The following MTMR12 variants were observed in gnomAD, a reference collection of about 807,000 sequenced individuals.
The protein encoded by MTMR12 is myotubularin related protein 12.
In MTMR12, 33 loss-of-function variants were observed where a neutral mutation model predicts 96.7. The ratio of observed to expected loss-of-function variants is 0.34; its 90% confidence interval spans 0.26 to 0.46. The LOEUF (loss-of-function observed/expected upper bound fraction) is 0.46. Among genes scored for constraint, MTMR12 ranks in the 20% least tolerant of loss-of-function variants. The probability of loss-of-function intolerance (pLI) is 1.00; values close to 1 mark genes in which losing one functional copy is unlikely to be tolerated. For synonymous variants in MTMR12, 298 were observed against 327.2 expected (o/e 0.91, Z 0.96); for missense variants, 721 against 896.1 (o/e 0.80, Z 2.49).
intron 7 of MTMR12, among the ~76,000 whole-genome samples, chr5:32,258,923 AAGTC>A (rs964985047): frequency 2.7e-5 from 4 of 150,686 alleles, no homozygotes; most frequent in African/African-American, 9.8e-5. Flanking sequence ...AAAAAAAAAA[AAGTC>A]AGAACCAAAT....
chr5:32,272,118 C>T (rs1004750463), intron 3 of MTMR12, among the ~76,000 whole-genome samples: 1 of 151,860 alleles, frequency 6.6e-6, no homozygotes, highest in African/African-American at 2.4e-5. Flanking sequence ...GGTGAAACCC[C>T]ATCTCTACTA....
intron 1 of MTMR12, among the ~76,000 whole-genome samples, chr5:32,287,320 A>G (rs1007304749): frequency 1.3e-5 from 2 of 152,204 alleles, no homozygotes; most frequent in African/African-American, 2.4e-5. Context: ...CTACCAGTGA[A>G]TATAAGGCAG....
chr5:32,241,957 C>T lies in MTMR12; in HGVS notation c.1171+100G>A, dbSNP rs567695881. On this transcript the variant is annotated intron_variant, in intron 12 of 15. Coordinates refer to ENST00000382142, the MANE Select transcript of MTMR12 (RefSeq NM_001040446.3). Reference sequence around the variant, plus strand: ...GGAATAGGAAGGATTTCTACACTAACTCACTCCTTTTGTTTCCAAATACAT... The same window carrying T: ...GGAATAGGAAGGATTTCTACACTAATTCACTCCTTTTGTTTCCAAATACAT... 175 of 949,534 alleles carry T rather than the reference C, an allele frequency of 1.8e-4. 1 individual carries two copies. Among genetic ancestry groups the T allele is most frequent in the Middle Eastern group, 1.3e-3 (4 of 3,134 alleles). The allele number at this position is 949,534 out of a possible 1,614,324, so 58.8% of individuals were successfully genotyped here. A position where few individuals can be genotyped will look rare whatever the true frequency, so the allele number is the denominator to read the frequency against.
intron 10 of MTMR12, chr5:32,247,627 T>G: frequency 6.2e-6 from 4 of 648,892 alleles, no homozygotes; most frequent in Non-Finnish European, 7.6e-6. Context: ...GGAAAAAGTC[T>G]ACAGAGGAAA....
chr5:32,265,910 C>T (rs754509922), intron 6 of MTMR12, among the ~76,000 whole-genome samples: 1 of 152,206 alleles, frequency 6.6e-6, no homozygotes, highest in South Asian at 2.1e-4. Context: ...CAGGATCACA[C>T]AGCTGGAAAA....
intron 1 of MTMR12, among the ~76,000 whole-genome samples, chr5:32,298,450 C>G (rs1040979489): frequency 6.6e-6 from 1 of 152,124 alleles, no homozygotes; most frequent in Non-Finnish European, 1.5e-5. Flanking sequence ...TGCCCAAACC[C>G]CAAGTCCTCC....
intron 1 of MTMR12, among the ~76,000 whole-genome samples, chr5:32,297,089 C>T (rs1201639242): frequency 1.4e-4 from 20 of 145,696 alleles, no homozygotes; most frequent in African/African-American, 5.1e-4. Flanking sequence ...GGTGACAGAG[C>T]GAGACTCCGT....
At chr5:32,282,637 C>G (rs971002931) in intron 1 of MTMR12, among the ~76,000 whole-genome samples, 1 of 151,918 alleles carries the variant, frequency 6.6e-6, no homozygotes, top group African/African-American at 2.4e-5. Flanking sequence ...CCAAACCAGT[C>G]CCAAGAAGAG....
intron 2 of MTMR12, among the ~76,000 whole-genome samples, chr5:32,275,986 G>T (rs886306464): frequency 1.5e-4 from 23 of 152,152 alleles, no homozygotes; most frequent in Admixed American, 8.5e-4. Context: ...GTACCTTAAA[G>T]AACTTATTTT....
At chr5:32,250,123 C>T (rs924905146) in intron 8 of MTMR12, among the ~76,000 whole-genome samples, 15 of 152,140 alleles carry the variant, frequency 9.9e-5, no homozygotes, top group African/African-American at 3.6e-4. Context: ...TGATATTGTG[C>T]ACTACACTTA....
chr5:32,283,391 T>G (rs1750387471), intron 1 of MTMR12, among the ~76,000 whole-genome samples: 1 of 149,132 alleles, frequency 6.7e-6, no homozygotes. Context: ...GGGCTCTAAG[T>G]GCCAGCTACT....
chr5:32,297,118 A>T (rs1021296813), intron 1 of MTMR12, among the ~76,000 whole-genome samples: 1 of 151,272 alleles, frequency 6.6e-6, no homozygotes, highest in Admixed American at 6.6e-5. Context: ...AAAAAAAAAA[A>T]GATATAATTT....
intron 1 of MTMR12, among the ~76,000 whole-genome samples, chr5:32,282,846 C>T (rs1256844575): frequency 6.6e-6 from 1 of 152,166 alleles, no homozygotes; most frequent in Non-Finnish European, 1.5e-5. Context: ...ATTTCACAAT[C>T]GCTTTTTGAA....
At chr5:32,240,736 G>A (rs1748436417) in intron 12 of MTMR12, among the ~76,000 whole-genome samples, 1 of 152,068 alleles carries the variant, frequency 6.6e-6, no homozygotes, top group Non-Finnish European at 1.5e-5. Flanking sequence ...GAGTAGCCAG[G>A]ACTACAGGCA....
chr5:32,263,366 G>A, intron 6 of MTMR12, 124 bp from the exon 7 acceptor site: 1 of 1,117,816 alleles, frequency 8.9e-7, no homozygotes, highest in South Asian at 1.6e-5. Context: ...CAAGCAGAAT[G>A]AATTGATTGC....
chr5:32,295,232 C>A lies in MTMR12; in HGVS notation c.81+17526G>T, dbSNP rs558051388. ...CAGGAGGCAGCTTTGCTGCTGACCA[C>A]AGCTCTATTCCACTAGCTATATACT... On this transcript the variant is annotated intron_variant, in intron 1 of 15. Transcript: ENST00000382142. Among the ~76,000 whole-genome samples, 4 of 152,390 alleles carry A rather than the reference C, an allele frequency of 2.6e-5. No individual in the cohort carries two copies. In the South Asian group the frequency reaches 8.3e-4, roughly 32 times the overall value.
chr5:32,277,858 G>T (rs1250427905), intron 1 of MTMR12, among the ~76,000 whole-genome samples: 2 of 152,172 alleles, frequency 1.3e-5, no homozygotes, highest in Non-Finnish European at 2.9e-5. Context: ...AAACATGAAT[G>T]TATCAAGTCA....
At chr5:32,299,631 G>A (rs1288512063) in intron 1 of MTMR12, among the ~76,000 whole-genome samples, 1 of 152,202 alleles carries the variant, frequency 6.6e-6, no homozygotes, top group Non-Finnish European at 1.5e-5. Context: ...AGGGACAGAT[G>A]AGAGGTGCCC....
intron 1 of MTMR12, among the ~76,000 whole-genome samples, chr5:32,306,004 ACCAAGAGAT>A (rs1013999002): frequency 3.3e-5 from 5 of 152,176 alleles, no homozygotes; most frequent in African/African-American, 9.7e-5. Context: ...GATGAAAACA[ACCAAGAGAT>A]CCCTGTATCT....
Sources: allele counts gnomAD v4.1 joint callset (sites outside exome capture counted in the v4.1 genomes callset), GRCh38; gene constraint gnomAD v4.1.1; transcripts MANE v1.5; gene names NCBI Gene and HGNC (gene_info 2026-07-23, HGNC 2026-07-21).